The following NUP155 variants were observed in gnomAD, a reference collection of about 807,000 sequenced individuals.
The protein encoded by NUP155 is nucleoporin 155, also known as nuclear pore complex protein Nup155.
Under a neutral mutation model 180.4 loss-of-function variants are expected in NUP155, and 71 were observed. The ratio of observed to expected loss-of-function variants is 0.39; its 90% CI spans 0.33 to 0.48. NUP155 has a LOEUF of 0.48. NUP155 is among the 20% of genes least tolerant of loss of function. The pLI is 0.91. For synonymous variants in NUP155, 582 were observed against 559.5 expected (o/e 1.04, Z -0.57); for missense variants, 1,553 against 1,648.9 (o/e 0.94, Z 1.01).
intron 1 of NUP155, 103 bp from the exon 2 acceptor site, chr5:37,364,487 G>A (rs1208816340): frequency 2.1e-6 from 2 of 948,910 alleles, no homozygotes; most frequent in Non-Finnish European, 3.4e-6. Context: ...TGGTTCCAAA[G>A]GTACAGAGAG....
At position 37,322,167 on chromosome 5, in the gene NUP155, T is replaced by C. The variant is rs895574420; in HGVS notation, c.2207+1825A>G. Reference sequence around the variant, plus strand: ...TCACGCCCGGCCTATTTATGTGTTTTTGTAGTGACAAGGTCTCCTATATTG... The same window carrying C: ...TCACGCCCGGCCTATTTATGTGTTTCTGTAGTGACAAGGTCTCCTATATTG... On this transcript the variant is annotated intron_variant, in intron 20 of 34. Transcript: ENST00000231498. 2.6e-5 allele frequency among the ~76,000 whole-genome samples: 4 copies of C among 152,278 alleles called. No homozygotes were observed. In the East Asian group the frequency reaches 5.8e-4, roughly 22 times the overall value.
intron 4 of NUP155, among the ~76,000 whole-genome samples, chr5:37,355,287 C>T (rs1041477779): frequency 7.9e-5 from 12 of 152,100 alleles, no homozygotes; most frequent in Admixed American, 2.0e-4. Context: ...GTGGGCGGAT[C>T]GCTTGAGGCC....
At chr5:37,326,549 C>G (rs1744611718) in intron 18 of NUP155, among the ~76,000 whole-genome samples, 1 of 152,128 alleles carries the variant, frequency 6.6e-6, no homozygotes, top group African/African-American at 2.4e-5. Context: ...TTGCAAGTGT[C>G]TACTCTTTCT....
rs1237710938 is a variant in NUP155, at chr5:37,288,839, G to T, written c.*3061C>A. On this transcript the variant is annotated 3_prime_UTR_variant, in exon 35 of 35. Coordinates refer to ENST00000231498, the MANE Select transcript of NUP155 (RefSeq NM_153485.3). Reference sequence around the variant, plus strand: ...AGCTCTTTGGGAGGCCAAGGGGGGTGGATCACCTGAGGTCAGGAGTTCAAG... The same window carrying T: ...AGCTCTTTGGGAGGCCAAGGGGGGTTGATCACCTGAGGTCAGGAGTTCAAG... 6.7e-6 allele frequency: 1 copy of T among 148,836 alleles called. No homozygotes were observed. The highest frequency in any genetic ancestry group is 1.5e-5 in the Non-Finnish European group (1 of 67,488). 9.2% of individuals were successfully genotyped at this position (148,836 alleles called of 1,614,324 possible). A position where few individuals can be genotyped will look rare whatever the true frequency, so the allele number is the denominator to read the frequency against.
chr5:37,370,964 AAAG>A lies in NUP155; in HGVS notation c.11_13del (p.Ser4del), dbSNP rs1355677402. On this transcript the variant is annotated inframe_deletion, in exon 1 of 35. Transcript: ENST00000231498. ...AGAGGCCGGCATCGCCGCGCCCAAC[AAAG>A]AAGACGGCATCTCGGAAATCGTAGA... 4 of 1,613,990 alleles carry A rather than the reference AAAG, an allele frequency of 2.5e-6. No homozygotes were observed. The highest frequency in any genetic ancestry group is 2.2e-5 in the East Asian group (1 of 44,880).
At chr5:37,328,271 T>G (rs1744735757) in intron 17 of NUP155, 87 bp downstream of exon 17, 1 of 1,014,204 alleles carries the variant, frequency 9.9e-7, no homozygotes, top group Non-Finnish European at 1.5e-6. Flanking sequence ...ATAAGGCAAG[T>G]TCATCTTTTT....
chr5:37,311,999 T>A (rs980857775), intron 22 of NUP155, among the ~76,000 whole-genome samples: 2 of 152,084 alleles, frequency 1.3e-5, no homozygotes, highest in Non-Finnish European at 2.9e-5. Flanking sequence ...CCAGCCTGGG[T>A]GACAGAATGA....
intron 25 of NUP155, 99 bp from the exon 26 acceptor site, chr5:37,305,309 T>C: frequency 9.4e-7 from 1 of 1,066,222 alleles, no homozygotes; most frequent in East Asian, 2.4e-5. Flanking sequence ...CATAGGGAAG[T>C]CAAGGTAGGA....
chr5:37,364,969 T>C (rs1353796078), intron 1 of NUP155, among the ~76,000 whole-genome samples: 1 of 151,732 alleles, frequency 6.6e-6, no homozygotes, highest in Admixed American at 6.6e-5. Context: ...TAGTGTTATT[T>C]TAAAATAAAA....
chr5:37,342,578 T>A lies in NUP155; in HGVS notation c.1064A>T (p.Asp355Val), dbSNP rs1424940586. 1 of 1,611,754 alleles carries A rather than the reference T, an allele frequency of 6.2e-7. No individual in the cohort carries two copies. The highest frequency in any genetic ancestry group is 2.2e-5 in the East Asian group (1 of 44,828). ...ATGTGTGACAGCCAATAACTGACAG[T>A]CCAGTGATTCAGAATTTTCAATCAC... ...IAVIENSESLDCQLLAVTHAG... is the reference protein window; with the variant it reads ...IAVIENSESLVCQLLAVTHAG... Residue 355 changes from aspartate to valine, a missense_variant, in exon 10 of 35, where the codon GAC (aspartate) becomes GTC (valine). Asp to Val is a radical substitution (Grantham distance 152). Transcript: ENST00000231498.
At chr5:37,295,172 G>C (rs537781977) in intron 32 of NUP155, among the ~76,000 whole-genome samples, 29 of 151,990 alleles carry the variant, frequency 1.9e-4, no homozygotes, top group South Asian at 1.7e-3. Flanking sequence ...TCAGCCTGCC[G>C]AGTGCCTGCG....
intron 17 of NUP155, 107 bp from the exon 18 acceptor site, chr5:37,327,883 A>C (rs1225788537): frequency 4.7e-6 from 6 of 1,276,806 alleles, no homozygotes; most frequent in Non-Finnish European, 6.6e-6. Context: ...TAGAACCCAT[A>C]AAATTCAGAA....
chr5:37,334,421 C>A (rs1181520348), intron 12 of NUP155, among the ~76,000 whole-genome samples: 1 of 151,104 alleles, frequency 6.6e-6, no homozygotes, highest in East Asian at 2.0e-4. Flanking sequence ...CACCCTGTTG[C>A]CAAGGCTGGA....
At chr5:37,301,306 G>A in intron 30 of NUP155, 131 bp downstream of exon 30, 1 of 642,248 alleles carries the variant, frequency 1.6e-6, no homozygotes, top group Non-Finnish European at 2.8e-6. Flanking sequence ...CCAGTGACAA[G>A]CTGCCAAAGA....
At position 37,290,481 on chromosome 5, in the gene NUP155, A is replaced by AC. The variant is rs1445715054; in HGVS notation, c.*1418_*1419insG. 1 of 150,860 alleles carries AC rather than the reference A, an allele frequency of 6.6e-6. No individual in the cohort carries two copies. Among genetic ancestry groups the AC allele is most frequent in the African/African-American group, 2.4e-5 (1 of 41,264 alleles). The allele number at this position is 150,860 out of a possible 1,614,324, so 9.3% of individuals were successfully genotyped here. A position where few individuals can be genotyped will look rare whatever the true frequency, so the allele number is the denominator to read the frequency against. On this transcript the variant is annotated 3_prime_UTR_variant, in exon 35 of 35. Coordinates refer to ENST00000231498, the MANE Select transcript of NUP155 (RefSeq NM_153485.3). ...CTACAGGGTGAGATTCTGTCTCCAA[A>AC]AAAAAAAAAAAGAGAGAAAGGAATA...
intron 21 of NUP155, among the ~76,000 whole-genome samples, chr5:37,315,668 C>T (rs973532467): frequency 1.3e-5 from 2 of 152,172 alleles, no homozygotes; most frequent in African/African-American, 4.8e-5. Flanking sequence ...GCTGGCCAGG[C>T]GCAGTGGCTC....
At position 37,310,644 on chromosome 5, in the gene NUP155, T is replaced by A; in HGVS notation, c.2536A>T (p.Ile846Phe). The A allele has an allele frequency of 6.2e-7, 1 of 1,613,806 alleles. No homozygotes were observed. Among genetic ancestry groups the A allele is most frequent in the Non-Finnish European group, 8.5e-7 (1 of 1,179,800 alleles). The change falls in exon 23 of 35, where the codon ATC becomes TTC. Residue 846 changes from isoleucine to phenylalanine, a missense_variant. By Grantham distance (21) the Ile-to-Phe change is conservative (BLOSUM62 0). Transcript: ENST00000231498. ...ALIASLINCY[I>F]RDNAAVDGIS... ...CCATCAACAGCGGCATTATCTCTGA[T>A]GTAGCAGTTGATAAGAGAAGCAATT...
Position 37,348,490 on chromosome 5 carries a change from T to C in NUP155, c.995+15A>G, listed in dbSNP as rs1254482516. ...TGCCTGCAAATGAAATGCTTAATAATAAATTACATGTTACCTAGCAATGTT... is the reference window on the plus strand; with the variant it reads ...TGCCTGCAAATGAAATGCTTAATAACAAATTACATGTTACCTAGCAATGTT... On this transcript the variant is annotated intron_variant, in intron 9 of 34. Transcript: ENST00000231498. 13 of 1,508,876 alleles carry C rather than the reference T, an allele frequency of 8.6e-6. No homozygotes were observed. The highest frequency in any genetic ancestry group is 1.1e-5 in the Non-Finnish European group (12 of 1,084,378). 93.5% of individuals were successfully genotyped at this position (1,508,876 alleles called of 1,614,324 possible).
chr5:37,316,911 C>T (rs1743921782), intron 21 of NUP155, among the ~76,000 whole-genome samples: 1 of 151,372 alleles, frequency 6.6e-6, no homozygotes, highest in Admixed American at 6.6e-5. Flanking sequence ...GCCTGTAATC[C>T]CAGCACTTTG....
Sources: allele counts gnomAD v4.1 joint callset (sites outside exome capture counted in the v4.1 genomes callset), GRCh38; gene constraint gnomAD v4.1.1; transcripts MANE v1.5; gene names NCBI Gene and HGNC (gene_info 2026-07-23, HGNC 2026-07-21).